Variants in PCDH11X observed in about 807,000 individuals in gnomAD.
PCDH11X encodes the protein protocadherin 11 X-linked, also known as protocadherin-11 X-linked.
Under a neutral mutation model 53.3 loss-of-function variants are expected in PCDH11X, and 18 were observed. The ratio of observed to expected loss-of-function variants is 0.34; its 90% CI spans 0.23 to 0.50. The LOEUF (loss-of-function observed/expected upper bound fraction) is 0.50. PCDH11X is among the 20% of genes least tolerant of loss of function. The pLI is 0.98. For missense variants in PCDH11X, 570 were observed against 1,032.4 expected, an observed-to-expected ratio of 0.55 and a Z score of 6.14; for synonymous variants, 279 against 393.3, an observed-to-expected ratio of 0.71 and a Z score of 3.44.
chrX:91,989,517 C>T (rs1202713749), intron 6 of PCDH11X, among the ~76,000 whole-genome samples: 2 of 109,653 alleles, frequency 1.8e-5, no homozygotes, highest in Admixed American at 9.7e-5. Context: ...GAGCCCAGAT[C>T]GTGCCACCGC....
chrX:92,145,117 A>T (rs1488306754), intron 6 of PCDH11X, among the ~76,000 whole-genome samples: 3 of 111,178 alleles, frequency 2.7e-5, no homozygotes, highest in African/African-American at 9.8e-5. Flanking sequence ...AGACAGTGAG[A>T]TGATTGTGCA....
chrX:92,218,537 A>C (rs1307916804), intron 7 of PCDH11X, among the ~76,000 whole-genome samples: 1 of 110,881 alleles, frequency 9.0e-6, no homozygotes, highest in Non-Finnish European at 1.9e-5. Flanking sequence ...ACAGGCTCTG[A>C]AATTGTGGCA....
chrX:92,557,766 CA>C (rs1414654616), intron 10 of PCDH11X, among the ~76,000 whole-genome samples: 3 of 109,997 alleles, frequency 2.7e-5, no homozygotes, highest in African/African-American at 6.6e-5. Flanking sequence ...GTCTTTATAG[CA>C]GTGCACCAGT....
At position 92,525,140 on chromosome X, in the gene PCDH11X, C is replaced by A. The variant is rs180748419; in HGVS notation, c.3367+56818C>A. 5.4e-4 allele frequency among the ~76,000 whole-genome samples: 61 copies of A among 112,076 alleles called. 1 individual carries two copies. The East Asian group carries it at 0.017, about 32-fold the overall frequency. ...TAACCTTTGTATCTATGCAGTATTACAATTAACATTAGCATAACCCTCTTA... is the reference window on the plus strand; with the variant it reads ...TAACCTTTGTATCTATGCAGTATTAAAATTAACATTAGCATAACCCTCTTA... On this transcript the variant is annotated intron_variant, in intron 10 of 10. Coordinates refer to ENST00000682573, the MANE Select transcript of PCDH11X (RefSeq NM_032968.5).
intron 6 of PCDH11X, among the ~76,000 whole-genome samples, chrX:92,144,983 A>G (rs1301361599): frequency 9.0e-6 from 1 of 111,249 alleles, no homozygotes; most frequent in Non-Finnish European, 1.9e-5. Context: ...CCTCCTCAAC[A>G]GTTATTCTTC....
At chrX:91,992,889 T>G in intron 6 of PCDH11X, among the ~76,000 whole-genome samples, 1 of 112,163 alleles carries the variant, frequency 8.9e-6, no homozygotes, top group South Asian at 3.7e-4. Context: ...AATCTTATGC[T>G]TTAACTATCA....
intron 6 of PCDH11X, among the ~76,000 whole-genome samples, chrX:92,039,041 C>A (rs2063171651): frequency 8.9e-6 from 1 of 111,796 alleles, no homozygotes; most frequent in Non-Finnish European, 1.9e-5. Flanking sequence ...AGACTTGAAC[C>A]CCAAGCCCAA....
At chrX:91,910,705 A>G (rs1455918469) in intron 6 of PCDH11X, among the ~76,000 whole-genome samples, 1 of 111,732 alleles carries the variant, frequency 8.9e-6, no homozygotes, top group Non-Finnish European at 1.9e-5. Context: ...TTTTTATATC[A>G]GATCACATTT....
chrX:92,179,670 A>G (rs947114269), intron 6 of PCDH11X, among the ~76,000 whole-genome samples: 1 of 112,357 alleles, frequency 8.9e-6, no homozygotes, highest in Non-Finnish European at 1.9e-5. Flanking sequence ...TGGAATAAGC[A>G]CTGTTAAAAA....
intron 10 of PCDH11X, among the ~76,000 whole-genome samples, chrX:92,578,437 A>T: frequency 9.0e-6 from 1 of 110,816 alleles, no homozygotes; most frequent in East Asian, 2.8e-4. Context: ...AATTTGTTTT[A>T]TGAATCTGGG....
chrX:92,598,010 A>G lies in PCDH11X; in HGVS notation c.3368-20254A>G, dbSNP rs1281424211. Among the ~76,000 whole-genome samples, 9 of 111,814 alleles carry G rather than the reference A, an allele frequency of 8.0e-5. No individual in the cohort carries two copies. The East Asian group carries it at 1.1e-3, about 14-fold the overall frequency. ...TGAGACTAGATCCCTATCTCTCACC[A>G]TATACAAAAATTAAATCTAAATGGA... On this transcript the variant is annotated intron_variant, in intron 10 of 10. Transcript: ENST00000682573.
chrX:92,391,305 A>G (rs1234432452), intron 9 of PCDH11X, among the ~76,000 whole-genome samples: 1 of 110,191 alleles, frequency 9.1e-6, no homozygotes, highest in Non-Finnish European at 1.9e-5. Flanking sequence ...GGAACAGATA[A>G]TGTCCGCATT....
intron 9 of PCDH11X, among the ~76,000 whole-genome samples, chrX:92,390,662 C>A (rs2148576785): frequency 1.0e-5 from 1 of 97,414 alleles, no homozygotes; most frequent in South Asian, 5.2e-4. Context: ...TTAATTTATG[C>A]AGTTCCCATT....
At chrX:92,177,524 A>G (rs2065929461) in intron 6 of PCDH11X, among the ~76,000 whole-genome samples, 1 of 111,844 alleles carries the variant, frequency 8.9e-6, no homozygotes, top group South Asian at 3.7e-4. Context: ...TAAAAGTTAC[A>G]ATTGCATGAT....
At chrX:92,269,935 T>G (rs1294285949) in intron 8 of PCDH11X, among the ~76,000 whole-genome samples, 1 of 111,090 alleles carries the variant, frequency 9.0e-6, no homozygotes, top group African/African-American at 3.3e-5. Flanking sequence ...TCTGTTACAT[T>G]TGATATTTTA....
At position 92,149,487 on chromosome X, in the gene PCDH11X, G is replaced by GTATATA. The variant is rs201866727; in HGVS notation, c.3034-51878_3034-51873dup. 8.8e-3 allele frequency among the ~76,000 whole-genome samples: 905 copies of GTATATA among 102,676 alleles called. 14 individuals carry two copies. The highest frequency in any genetic ancestry group is 0.03 in the African/African-American group (836 of 27,578). 89.2% of individuals were successfully genotyped at this position (102,676 alleles called of 115,157 possible). Reference sequence around the variant, plus strand: ...TGTGTGTGTGTATATATGTGTGTGTGTATATATATATATATGTATGTATAT... The same window carrying GTATATA: ...TGTGTGTGTGTATATATGTGTGTGTGTATATATATATATATATATATGTATGTATAT... On this transcript the variant is annotated intron_variant, in intron 6 of 10. Coordinates refer to ENST00000682573, the MANE Select transcript of PCDH11X (RefSeq NM_032968.5).
intron 9 of PCDH11X, among the ~76,000 whole-genome samples, chrX:92,393,137 T>G (rs754821029): frequency 1.8e-5 from 2 of 110,606 alleles, no homozygotes; most frequent in East Asian, 5.7e-4. Context: ...GAAAAGTGAA[T>G]GCATCATTTT....
intron 6 of PCDH11X, among the ~76,000 whole-genome samples, chrX:92,006,167 T>C (rs1332023718): frequency 1.8e-5 from 2 of 110,221 alleles, no homozygotes; most frequent in African/African-American, 6.6e-5. Context: ...TGAGAAGTTT[T>C]CTGTTATTAT....
chrX:91,969,409 A>T (rs1220450879), intron 6 of PCDH11X, among the ~76,000 whole-genome samples: 1 of 108,410 alleles, frequency 9.2e-6, no homozygotes, highest in Non-Finnish European at 1.9e-5. Flanking sequence ...AGATTAAAAA[A>T]AAAAGTGATT....
Sources: gnomAD v4.1 joint callset for allele counts (sites outside exome capture counted in the v4.1 genomes callset) on GRCh38, gnomAD v4.1.1 for gene constraint, MANE v1.5 for transcripts, NCBI Gene and HGNC (gene_info 2026-07-23, HGNC 2026-07-21) for gene names.